RGL1: variants seen among roughly 807,000 people sequenced by gnomAD.
The protein encoded by RGL1 is ral guanine nucleotide dissociation stimulator like 1.
Under a neutral mutation model 95.2 loss-of-function variants are expected in RGL1, and 24 were observed. That is an observed-to-expected ratio of 0.25 (90% CI 0.18 to 0.35). The LOEUF (loss-of-function observed/expected upper bound fraction) is 0.35, where lower values mean the gene tolerates loss of function less well. Among genes scored for constraint, RGL1 ranks in the 10% least tolerant of loss-of-function variants. The pLI is 1.00. For synonymous variants in RGL1, 329 were observed against 344.9 expected (o/e 0.95, Z 0.51); for missense variants, 715 against 936.3 (o/e 0.76, Z 3.08).
chr1:183,752,680 C>G (rs1182354337), intron 2 of RGL1, among the ~76,000 whole-genome samples: 3 of 144,314 alleles, frequency 2.1e-5, no homozygotes, highest in African/African-American at 8.0e-5. Flanking sequence ...CTCTTTCTCT[C>G]TCTCTCTCTC....
chr1:183,798,158 CACTT>C (rs1489419316), intron 2 of RGL1, among the ~76,000 whole-genome samples: 1 of 152,120 alleles, frequency 6.6e-6, no homozygotes, highest in Non-Finnish European at 1.5e-5. Context: ...CCTGCCCTCT[CACTT>C]ATTTATTTTT....
intron 2 of RGL1, among the ~76,000 whole-genome samples, chr1:183,826,959 G>C (rs573611590): frequency 6.6e-6 from 1 of 151,526 alleles, no homozygotes; most frequent in African/African-American, 2.4e-5. Context: ...GTGTCACTCT[G>C]TTGCCCAGGC....
At chr1:183,735,115 G>C (rs1434520097) in intron 1 of RGL1, among the ~76,000 whole-genome samples, 2 of 152,066 alleles carry the variant, frequency 1.3e-5, no homozygotes, top group African/African-American at 4.8e-5. Context: ...TATCAGTAAG[G>C]GGGAGAAAGT....
At chr1:183,785,310 C>T (rs144077617) in intron 2 of RGL1, among the ~76,000 whole-genome samples, 74 of 152,276 alleles carry the variant, frequency 4.9e-4, no homozygotes, top group Middle Eastern at 6.8e-3. Context: ...CTTTGGCATC[C>T]ATGCCTTTGC....
chr1:183,762,095 G>A (rs1658696788), intron 2 of RGL1, among the ~76,000 whole-genome samples: 1 of 152,196 alleles, frequency 6.6e-6, no homozygotes, highest in African/African-American at 2.4e-5. Context: ...CATTAAGGCT[G>A]TTTTGCTTTA....
intron 10 of RGL1, among the ~76,000 whole-genome samples, chr1:183,899,199 C>G (rs1667875747): frequency 6.6e-6 from 1 of 152,204 alleles, no homozygotes; most frequent in African/African-American, 2.4e-5. Context: ...AACCATAGCA[C>G]ATTTGTCAAT....
At position 183,851,395 on chromosome 1, in the gene RGL1, G is replaced by A. The variant is rs143043043; in HGVS notation, c.347+3621G>A. On this transcript the variant is annotated intron_variant, in intron 3 of 17. Transcript: ENST00000360851. ...AGGTAGATTTACTATGAAGCCACTG[G>A]TACTTAACCTCCAGGGGCGCTCACT... 1.1e-4 allele frequency among the ~76,000 whole-genome samples: 16 copies of A among 152,248 alleles called. No individual in the cohort carries two copies. In the East Asian group the frequency reaches 2.9e-3, roughly 28 times the overall value.
At chr1:183,907,640 A>G (rs569526068) in intron 14 of RGL1, among the ~76,000 whole-genome samples, 60 of 152,290 alleles carry the variant, frequency 3.9e-4, no homozygotes, top group African/African-American at 1.3e-3. Context: ...CAAAAATGTT[A>G]TGTGCCAAGA....
chr1:183,706,383 C>T lies in RGL1; in HGVS notation c.-32-35743C>T, dbSNP rs182083123. Among the ~76,000 whole-genome samples, 5 of 152,308 alleles carry T rather than the reference C, an allele frequency of 3.3e-5. No individual in the cohort carries two copies. The East Asian group carries it at 9.7e-4, about 29-fold the overall frequency. On this transcript the variant is annotated intron_variant, in intron 1 of 18. Coordinates refer to the RGL1 transcript ENST00000304685. ...GCCCTGGTATTAATTAAAAAACATA[C>T]TGGCCTACCTGCCACCATCAGGGTT... is the stretch of plus-strand genomic sequence containing the variant.
intron 1 of RGL1, among the ~76,000 whole-genome samples, chr1:183,652,905 A>G (rs2102003553): frequency 6.6e-6 from 1 of 152,230 alleles, no homozygotes; most frequent in East Asian, 1.9e-4. Flanking sequence ...TTTAACATAA[A>G]TGAACCACAC....
chr1:183,727,293 T>TA (rs1656366842), intron 1 of RGL1, among the ~76,000 whole-genome samples: 1 of 152,180 alleles, frequency 6.6e-6, no homozygotes, highest in Non-Finnish European at 1.5e-5. Flanking sequence ...AGCCACTTGA[T>TA]AAAATTAACA....
intron 1 of RGL1, among the ~76,000 whole-genome samples, chr1:183,740,473 A>G (rs1182547944): frequency 1.3e-5 from 2 of 152,124 alleles, no homozygotes; most frequent in Non-Finnish European, 2.9e-5. Context: ...ATTTTCTTAA[A>G]TCCGCTGACC....
At chr1:183,708,892 G>A (rs1042235150) in intron 1 of RGL1, among the ~76,000 whole-genome samples, 2 of 152,194 alleles carry the variant, frequency 1.3e-5, no homozygotes, top group African/African-American at 2.4e-5. Flanking sequence ...GCCCCTTCCA[G>A]ATTTCGGCAC....
At chr1:183,881,717 A>G (rs1666836798) in intron 5 of RGL1, among the ~76,000 whole-genome samples, 1 of 152,244 alleles carries the variant, frequency 6.6e-6, no homozygotes, top group Non-Finnish European at 1.5e-5. Context: ...ATTCCAAACA[A>G]TACCTGCTGA....
chr1:183,643,195 C>A (rs1207161829), intron 1 of RGL1, among the ~76,000 whole-genome samples: 2 of 152,094 alleles, frequency 1.3e-5, no homozygotes, highest in Non-Finnish European at 2.9e-5. Context: ...TTGGTTCTAC[C>A]TTTTGGCTAT....
intron 16 of RGL1, among the ~76,000 whole-genome samples, chr1:183,919,524 C>T (rs774764858): frequency 4.6e-5 from 7 of 152,144 alleles, no homozygotes; most frequent in South Asian, 2.1e-4. Flanking sequence ...AGGGACCCCA[C>T]GGGCCATAGA....
rs572516848 is a variant in RGL1 at position 183,745,508 on chromosome 1, G to T, written c.132+3219G>T. 4.6e-5 allele frequency among the ~76,000 whole-genome samples: 7 copies of T among 152,122 alleles called. No individual in the cohort carries two copies. The South Asian group carries it at 1.5e-3, about 32-fold the overall frequency. On this transcript the variant is annotated intron_variant, in intron 2 of 18. Coordinates refer to the RGL1 transcript ENST00000304685. ...TATTTATTTCACAATCTGAAATAGG[G>T]ATATGTGTTTTTTCCATATGGATAA...
intron 1 of RGL1, among the ~76,000 whole-genome samples, chr1:183,699,670 C>G (rs2102137585): frequency 6.6e-6 from 1 of 152,238 alleles, no homozygotes; most frequent in Non-Finnish European, 1.5e-5. Context: ...TTATTTCCCT[C>G]GCTGCTGCTG....
chr1:183,769,998 C>G (rs1659194319), intron 2 of RGL1, among the ~76,000 whole-genome samples: 1 of 152,188 alleles, frequency 6.6e-6, no homozygotes, highest in African/African-American at 2.4e-5. Context: ...AATAGTATTA[C>G]AAAAGATCAG....
Sources: gnomAD v4.1 joint callset for allele counts (sites outside exome capture counted in the v4.1 genomes callset) on GRCh38, gnomAD v4.1.1 for gene constraint, MANE v1.5 for transcripts, NCBI Gene and HGNC (gene_info 2026-07-23, HGNC 2026-07-21) for gene names.